The following GET4 variants were observed in gnomAD, a reference collection of about 807,000 sequenced individuals.
GET4 encodes the protein guided entry of tail-anchored proteins factor 4, also known as Golgi to ER traffic protein 4 homolog.
In GET4, 20 loss-of-function variants were observed where a neutral mutation model predicts 40.0. The observed-to-expected ratio is 0.50, with a 90% confidence interval of 0.35 to 0.73. GET4 has a LOEUF of 0.73. Ranked by LOEUF, GET4 falls within the 30% of genes least tolerant of loss-of-function variation. The pLI, the probability that GET4 is intolerant of heterozygous loss-of-function variation, is 0.01. For missense variants in GET4, 557 were observed against 454.0 expected, an observed-to-expected ratio of 1.23 and a Z score of -2.06; for synonymous variants, 280 against 194.6, an observed-to-expected ratio of 1.44 and a Z score of -3.65.
intron 1 of GET4, chr7:884,224 C>G (rs1387937472): frequency 7.7e-7 from 1 of 1,304,034 alleles, no homozygotes; most frequent in Non-Finnish European, 1.0e-6. Flanking sequence ...GCCCGTGGCC[C>G]CACTGGCGGC....
At chr7:888,943 G>A (rs1376517762) in intron 4 of GET4, among the ~76,000 whole-genome samples, 1 of 152,266 alleles carries the variant, frequency 6.6e-6, no homozygotes, top group African/African-American at 2.4e-5. Flanking sequence ...ACACTGGGTG[G>A]CCGCCCTCGC....
intron 1 of GET4, among the ~76,000 whole-genome samples, chr7:879,547 G>A (rs1490573494): frequency 1.3e-5 from 2 of 152,210 alleles, no homozygotes; most frequent in Non-Finnish European, 2.9e-5. Flanking sequence ...GCCCCTGATC[G>A]TGGCTTATGA....
rs1214625896 is a variant in GET4, at chr7:893,891, C to T, written c.823-8C>T. The T allele has an allele frequency of 1.2e-6, 2 of 1,612,098 alleles. No homozygotes were observed. The highest frequency in any genetic ancestry group is 2.7e-5 in the African/African-American group (2 of 74,884). On this transcript the variant is annotated splice_region_variant and splice_polypyrimidine_tract_variant and intron_variant, in intron 7 of 8. Coordinates refer to ENST00000265857, the MANE Select transcript of GET4 (RefSeq NM_015949.3). ...ACCCCCTCTGAGCCCGCTGCCTGTG[C>T]CTTGCAGTACCTCGACCGCATAGGA... is the stretch of plus-strand genomic sequence containing the variant.
At chr7:884,733 T>TAATG (rs1277546390) in intron 1 of GET4, 1 of 165,840 alleles carries the variant, frequency 6.0e-6, no homozygotes, top group Non-Finnish European at 1.3e-5. Context: ...AAGGTCATTC[T>TAATG]GGTCCTCAGT....
At position 890,752 on chromosome 7, in the gene GET4, G is replaced by A. The variant is rs371779318; in HGVS notation, c.467-176G>A. 7.2e-5 allele frequency among the ~76,000 whole-genome samples: 11 copies of A among 152,230 alleles called. 1 individual carries two copies. In the East Asian group the frequency reaches 1.2e-3, roughly 16 times the overall value. On this transcript the variant is annotated intron_variant, in intron 4 of 8. Coordinates refer to ENST00000265857, the MANE Select transcript of GET4 (RefSeq NM_015949.3). The stretch of plus-strand genomic sequence containing the variant: ...CGTGGATCTGTTGATTTGGTGCTGC[G>A]TGTGAGGCCTGGGCTGGCTCTGAGT...
chr7:883,722 C>T lies in GET4; in HGVS notation c.156-2334C>T, dbSNP rs574670113. On this transcript the variant is annotated intron_variant, in intron 1 of 8. Coordinates refer to ENST00000265857, the MANE Select transcript of GET4 (RefSeq NM_015949.3). Reference sequence around the variant, plus strand: ...ATGCCCAGCTGCCCCCCACTCTCCCCGGCCTCGGGCTTGAGAGGGTACCTG... The same window carrying T: ...ATGCCCAGCTGCCCCCCACTCTCCCTGGCCTCGGGCTTGAGAGGGTACCTG... 3.8e-4 allele frequency: 372 copies of T among 986,068 alleles called. 2 individuals carry two copies. The African/African-American group carries it at 5.9e-3, about 16-fold the overall frequency. 61.1% of individuals were successfully genotyped at this position (986,068 alleles called of 1,614,324 possible).
rs936728180 is a variant in GET4, at chr7:895,514, C to T, written c.*92C>T. The T allele has an allele frequency of 1.1e-5, 7 of 629,986 alleles. No homozygotes were observed. Among genetic ancestry groups the T allele is most frequent in the Non-Finnish European group, 2.0e-5 (7 of 355,616 alleles). 39.0% of individuals were successfully genotyped at this position (629,986 alleles called of 1,614,324 possible). ...TGGGTGGCTCCTCGCCTTGGGGGCT[C>T]CTGGCCCTGAGGCTGGCGGTGGCCG... On this transcript the variant is annotated 3_prime_UTR_variant, in exon 9 of 9. Transcript: ENST00000265857.
intron 6 of GET4, 100 bp downstream of exon 6, chr7:892,518 A>G: frequency 3.0e-6 from 4 of 1,320,880 alleles, no homozygotes; most frequent in Non-Finnish European, 4.2e-6. Flanking sequence ...AAGTGTAGCC[A>G]TGGTGTGGGT....
chr7:884,327 A>G lies in GET4; in HGVS notation c.156-1729A>G, dbSNP rs539240840. ...TCCTCTGAGTCAGTCATGTCCCTGCAGGACTGGAACTAGGACGGCCGGTCA... is the reference window on the plus strand; with the variant it reads ...TCCTCTGAGTCAGTCATGTCCCTGCGGGACTGGAACTAGGACGGCCGGTCA... On this transcript the variant is annotated intron_variant, in intron 1 of 8. Transcript: ENST00000265857. The G allele has an allele frequency of 1.2e-4, 156 of 1,304,104 alleles. 2 individuals are homozygous for G. In the Admixed American group the frequency reaches 2.7e-3, roughly 23 times the overall value. 80.8% of individuals were successfully genotyped at this position (1,304,104 alleles called of 1,614,324 possible).
chr7:886,281 T>TC (rs930123327), intron 2 of GET4, 147 bp downstream of exon 2: 9 of 634,426 alleles, frequency 1.4e-5, no homozygotes, highest in Non-Finnish European at 2.5e-5. Flanking sequence ...GGGCCCAGAG[T>TC]CCCCCCTGGC....
chr7:885,119 T>C (rs985807019), intron 1 of GET4: 5 of 152,272 alleles, frequency 3.3e-5, no homozygotes, highest in African/African-American at 1.2e-4. Flanking sequence ...TTTAACTAGA[T>C]TTATTTTTAA....
intron 1 of GET4, chr7:881,187 C>CA: frequency 6.6e-6 from 1 of 152,258 alleles, no homozygotes; most frequent in Admixed American, 6.5e-5. Flanking sequence ...GCTTTTATGT[C>CA]AATAAATATA....
chr7:888,116 C>CCGTCAGG (rs1186943386), intron 4 of GET4, among the ~76,000 whole-genome samples: 1 of 152,198 alleles, frequency 6.6e-6, no homozygotes, highest in South Asian at 2.1e-4. Flanking sequence ...TTCCTTCCTG[C>CCGTCAGG]CGTCAGGCGT....
At chr7:883,028 A>G (rs1844118612) in intron 1 of GET4, 1 of 152,094 alleles carries the variant, frequency 6.6e-6, no homozygotes, top group South Asian at 2.1e-4. Flanking sequence ...TCAGTCATCT[A>G]AAGAGATTTT....
At chr7:892,983 A>G (rs189016120) in intron 6 of GET4, among the ~76,000 whole-genome samples, 1,806 of 143,678 alleles carry the variant, frequency 0.013, 15 homozygotes, top group South Asian at 0.026. Context: ...GTTTGCAGGT[A>G]AGTGTTGGGG....
intron 1 of GET4, among the ~76,000 whole-genome samples, chr7:877,715 C>A (rs113319029): frequency 0.082 from 7,805 of 94,862 alleles, 588 homozygotes; most frequent in South Asian, 0.13. Context: ...CCGGCCTCCC[C>A]CTCCCTGTTC....
chr7:895,320 G>GTTC lies in GET4; in HGVS notation c.896-8_896-6dup, dbSNP rs376487073. On this transcript the variant is annotated splice_polypyrimidine_tract_variant and intron_variant, in intron 8 of 8. Transcript: ENST00000265857. Reference sequence around the variant, plus strand: ...GCTGCCCAGGCGTGACTGCCACGGTGTTCTTCTTTCCAGGGAACCTTCTGA... The same window carrying GTTC: ...GCTGCCCAGGCGTGACTGCCACGGTGTTCTTCTTCTTTCCAGGGAACCTTCTGA... The GTTC allele has an allele frequency of 2.8e-6, 4 of 1,443,318 alleles. No individual in the cohort carries two copies. The African/African-American group carries it at 5.6e-5, about 20-fold the overall frequency. The allele number at this position is 1,443,318 out of a possible 1,614,324, so 89.4% of individuals were successfully genotyped here.
intron 1 of GET4, chr7:881,503 C>G (rs1344710978): frequency 6.6e-6 from 1 of 152,236 alleles, no homozygotes; most frequent in Non-Finnish European, 1.5e-5. Flanking sequence ...CCTGGAGCGT[C>G]CGCAGTTCCT....
At chr7:893,837 G>A (rs1271271738) in intron 7 of GET4, 22 bp downstream of exon 7, 1 of 1,606,810 alleles carries the variant, frequency 6.2e-7, no homozygotes. Context: ...GGGCTGGGGA[G>A]GGAGGAGGGG....
Sources: allele counts gnomAD v4.1 joint callset (sites outside exome capture counted in the v4.1 genomes callset), GRCh38; gene constraint gnomAD v4.1.1; transcripts MANE v1.5; gene names NCBI Gene and HGNC (gene_info 2026-07-23, HGNC 2026-07-21).